The following DMXL1 variants were observed in gnomAD, a reference collection of about 807,000 sequenced individuals.
DMXL1 encodes the protein dmX-like protein 1.
Under a neutral mutation model 319.2 loss-of-function variants are expected in DMXL1, and 99 were observed. The observed-to-expected ratio is 0.31, with a 90% confidence interval of 0.26 to 0.37. The LOEUF is 0.37. DMXL1 is among the 10% of genes least tolerant of loss of function. The pLI is 1.00. For missense variants in DMXL1, 3,745 were observed against 3,595.6 expected, an observed-to-expected ratio of 1.04 and a Z score of -1.06; for synonymous variants, 1,385 against 1,235.2, an observed-to-expected ratio of 1.12 and a Z score of -2.54.
chr5:119,081,464 T>C (rs1004218632), intron 1 of DMXL1: 8 of 600,232 alleles, frequency 1.3e-5, no homozygotes, highest in Non-Finnish European at 1.7e-5. Context: ...ATAAAACATA[T>C]TTTAATGTGT....
chr5:119,073,153 C>T (rs949608158), intron 1 of DMXL1, among the ~76,000 whole-genome samples: 9 of 152,182 alleles, frequency 5.9e-5, no homozygotes, highest in Non-Finnish European at 1.3e-4. Context: ...GCCTCGACCT[C>T]CCCGGCACAA....
intron 5 of DMXL1, among the ~76,000 whole-genome samples, chr5:119,111,508 A>G (rs534686065): frequency 9.8e-5 from 15 of 152,324 alleles, no homozygotes; most frequent in African/African-American, 3.4e-4. Flanking sequence ...TATTTGGCTA[A>G]CATTTGTCAT....
chr5:119,230,217 G>A lies in DMXL1; in HGVS notation c.8339-3123G>A, dbSNP rs192215293. ...AGTAAGCCTAAGTAAAATAAAAGTTGTATATCACATTATATTTAGTGCTGG... is the reference window on the plus strand; with the variant it reads ...AGTAAGCCTAAGTAAAATAAAAGTTATATATCACATTATATTTAGTGCTGG... On this transcript the variant is annotated intron_variant, in intron 38 of 43. Transcript: ENST00000539542. Among the ~76,000 whole-genome samples, 27 of 152,262 alleles carry A rather than the reference G, an allele frequency of 1.8e-4. 1 individual carries two copies. In the East Asian group the frequency reaches 3.7e-3, roughly 21 times the overall value.
At chr5:119,081,567 T>G (rs989733986) in intron 1 of DMXL1, 2 of 985,230 alleles carry the variant, frequency 2.0e-6, no homozygotes, top group Non-Finnish European at 2.4e-6. Flanking sequence ...AAGTTTTGTT[T>G]TTATAGGAGG....
In DMXL1 at chr5:119,171,781, A is replaced by G; in HGVS notation, c.6493A>G (p.Thr2165Ala). ...TTTATCCCTCTTTGTTTTTAAGGAA[A>G]CATCAGAACCACTATTTTCTAGCCC... ...ILLLQESQQE[T>A]SEPLFSSPLS... Residue 2165 changes from threonine (T) to alanine (A), a missense_variant, in exon 25 of 44, where the codon ACA becomes GCA. By Grantham distance (58) the Thr-to-Ala change is moderately conservative. Around this residue, in one of 4 missense-constraint regions of DMXL1, gnomAD observed 1,382 missense variants for 1,269.5 expected, o/e 1.09. Coordinates refer to ENST00000539542, the MANE Select transcript of DMXL1 (RefSeq NM_001290321.3). The G allele has an allele frequency of 1.2e-6, 2 of 1,601,060 alleles. No homozygotes were observed. Among genetic ancestry groups the G allele is most frequent in the South Asian group, 2.3e-5 (2 of 88,616 alleles).
At chr5:119,121,538 C>T (rs543528242) in intron 9 of DMXL1, among the ~76,000 whole-genome samples, 68 of 152,150 alleles carry the variant, frequency 4.5e-4, no homozygotes, top group Admixed American at 1.6e-3. Flanking sequence ...CTTGCACCGC[C>T]CTTAATCCAT....
intron 39 of DMXL1, among the ~76,000 whole-genome samples, chr5:119,234,041 CAGG>C (rs1787259798): frequency 6.6e-6 from 1 of 152,094 alleles, no homozygotes; most frequent in South Asian, 2.1e-4. Flanking sequence ...CAGCATAGTT[CAGG>C]AGGACAAAGA....
At chr5:119,133,103 A>T in intron 10 of DMXL1, 29 bp from the exon 11 acceptor site, 2 of 1,609,600 alleles carry the variant, frequency 1.2e-6, no homozygotes, top group African/African-American at 2.7e-5. Flanking sequence ...GTTTGTATTT[A>T]CTTGGTTCAT....
At chr5:119,246,019 T>C (rs896980595) in intron 43 of DMXL1, among the ~76,000 whole-genome samples, 18 of 152,062 alleles carry the variant, frequency 1.2e-4, no homozygotes. Context: ...AAAAATGATC[T>C]CCAATAAAAC....
At chr5:119,192,117 C>T (rs1022271775) in intron 29 of DMXL1, among the ~76,000 whole-genome samples, 33 of 152,078 alleles carry the variant, frequency 2.2e-4, no homozygotes, top group African/African-American at 7.5e-4. Context: ...CCATCCTATC[C>T]TCACTCTTAA....
rs759785716 is a variant in DMXL1, at chr5:119,149,936, G to A, written c.4109G>A (p.Arg1370His). ...LNEAESNHER[R>H]LRSLTISASG... ...GAAGCTGAATCTAATCATGAACGCC[G>A]CCTTAGGTCTCTCACAATCAGTGCT... Residue 1370 changes from arginine to histidine, a missense_variant, in exon 18 of 44, where the codon CGC becomes CAC. Around this residue, in one of 4 missense-constraint regions of DMXL1, gnomAD observed 2,096 missense variants for 1,985.4 expected, o/e 1.06. Transcript: ENST00000539542. 21 of 1,613,728 alleles carry A rather than the reference G, an allele frequency of 1.3e-5. No homozygotes were observed. The highest frequency in any genetic ancestry group is 5.3e-5 in the African/African-American group (4 of 74,866).
chr5:119,095,533 A>T (rs1468967033), intron 1 of DMXL1, among the ~76,000 whole-genome samples: 1 of 152,220 alleles, frequency 6.6e-6, no homozygotes, highest in East Asian at 1.9e-4. Context: ...AGATAATTTC[A>T]GGTACAACAA....
At chr5:119,150,863 C>G (rs1351022316) in intron 18 of DMXL1, among the ~76,000 whole-genome samples, 1 of 150,942 alleles carries the variant, frequency 6.6e-6, no homozygotes, top group East Asian at 1.9e-4. Context: ...AACTTTTTTT[C>G]CCCCCGAGAC....
chr5:119,203,305 G>T lies in DMXL1; in HGVS notation c.7746-14G>T, dbSNP rs762308872. 1 of 1,508,246 alleles carries T rather than the reference G, an allele frequency of 6.6e-7. No homozygotes were observed. Among genetic ancestry groups the T allele is most frequent in the Non-Finnish European group, 8.9e-7 (1 of 1,122,406 alleles). 93.4% of individuals were successfully genotyped at this position (1,508,246 alleles called of 1,614,324 possible). A position where few individuals can be genotyped will look rare whatever the true frequency, so the allele number is the denominator to read the frequency against. ...TCTGAAGTTTATCATTAAATTTGCT[G>T]TCTCTCTCTGTAGATCCAAACACCA... On this transcript the variant is annotated splice_polypyrimidine_tract_variant and intron_variant, in intron 32 of 43. Transcript: ENST00000539542.
chr5:119,234,151 A>C (rs1466905004), intron 39 of DMXL1, among the ~76,000 whole-genome samples: 1 of 152,094 alleles, frequency 6.6e-6, no homozygotes, highest in East Asian at 1.9e-4. Flanking sequence ...TTCACTTCTC[A>C]TAATCCTTTG....
In DMXL1 at chr5:119,149,176, G is replaced by A. The variant is rs1161341264; in HGVS notation, c.3349G>A (p.Val1117Met). The change falls in exon 18 of 44, where the codon GTG becomes ATG. Residue 1117 changes from valine (V) to methionine (M), a missense_variant. Coordinates refer to ENST00000539542, the MANE Select transcript of DMXL1 (RefSeq NM_001290321.3). Reference sequence around the variant, plus strand: ...TGGCATTAGTGTTGATAGCAATTTAGTGGCCTATAATAAACAAGACATGTA... The same window carrying A: ...TGGCATTAGTGTTGATAGCAATTTAATGGCCTATAATAAACAAGACATGTA... The part of the protein sequence containing the change: ...DSGISVDSNL[V>M]AYNKQDMYLS... The A allele has an allele frequency of 7.4e-6, 12 of 1,613,726 alleles. No individual in the cohort carries two copies. Among genetic ancestry groups the A allele is most frequent in the Non-Finnish European group, 1.0e-5 (12 of 1,179,824 alleles).
At chr5:119,141,975 T>C (rs1325388367) in intron 13 of DMXL1, among the ~76,000 whole-genome samples, 1 of 152,166 alleles carries the variant, frequency 6.6e-6, no homozygotes, top group African/African-American at 2.4e-5. Context: ...CCTACAACTG[T>C]CTGATCTTTG....
intron 1 of DMXL1, among the ~76,000 whole-genome samples, chr5:119,084,794 G>T (rs1395361478): frequency 6.6e-6 from 1 of 151,542 alleles, no homozygotes; most frequent in Non-Finnish European, 1.5e-5. Context: ...AACCTGGGAG[G>T]TGGAGGTTGT....
At chr5:119,173,776 G>GTATGTATATA (rs1554127642) in intron 25 of DMXL1, among the ~76,000 whole-genome samples, 1 of 67,172 alleles carries the variant, frequency 1.5e-5, no homozygotes, top group African/African-American at 5.6e-5. Flanking sequence ...ATGTGTGTGT[G>GTATGTATATA]TATATATATA....
Sources: gnomAD v4.1 joint callset for allele counts (sites outside exome capture counted in the v4.1 genomes callset) on GRCh38, gnomAD v4.1.1 for gene constraint, gnomAD v4.1.1 regional missense constraint, MANE v1.5 for transcripts, NCBI Gene and HGNC (gene_info 2026-07-23, HGNC 2026-07-21) for gene names.